HDAC7: variants seen among roughly 807,000 people sequenced by gnomAD.
The protein encoded by HDAC7 is histone deacetylase 7, also known as histone deacetylase 7A.
HDAC7 carries 26 observed loss-of-function variants against 115.5 expected under a neutral mutation model. That is an observed-to-expected ratio of 0.23 (90% CI 0.16 to 0.31). HDAC7 has a LOEUF of 0.31. Ranked by LOEUF, HDAC7 falls within the 10% of genes least tolerant of loss-of-function variation. The pLI, the probability that HDAC7 is intolerant of heterozygous loss-of-function variation, is 1.00. For missense variants in HDAC7, 1,068 were observed against 1,329.0 expected (o/e 0.80, Z 3.05); for synonymous variants, 564 against 550.9 (o/e 1.02, Z -0.33).
intron 1 of HDAC7, among the ~76,000 whole-genome samples, chr12:47,805,488 C>A (rs1035960420): frequency 2.6e-5 from 4 of 152,216 alleles, no homozygotes; most frequent in African/African-American, 9.7e-5. Flanking sequence ...TGACTCCCTT[C>A]ACACCCGAGG....
chr12:47,787,833 A>C (rs1419382361), intron 20 of HDAC7, 24 bp from the exon 21 acceptor site: 9 of 1,599,450 alleles, frequency 5.6e-6, no homozygotes, highest in Non-Finnish European at 7.7e-6. Context: ...GGCAAGAGAG[A>C]CATGAGGACA....
At chr12:47,815,161 GACACTCA>G (rs1049712189) in intron 1 of HDAC7, among the ~76,000 whole-genome samples, 2 of 152,198 alleles carry the variant, frequency 1.3e-5, no homozygotes, top group African/African-American at 4.8e-5. Flanking sequence ...CTTTAGGGAT[GACACTCA>G]ACAGTTCCAG....
At position 47,793,353 on chromosome 12, in the gene HDAC7, C is replaced by A; in HGVS notation, c.1678+16G>T. The A allele has an allele frequency of 6.7e-7, 1 of 1,485,724 alleles. No individual in the cohort carries two copies. Among genetic ancestry groups the A allele is most frequent in the Non-Finnish European group, 9.0e-7 (1 of 1,106,440 alleles). The allele number at this position is 1,485,724 out of a possible 1,614,324, so 92.0% of individuals were successfully genotyped here. ...CGAGCCCCTCCCTCCACCCGCCACC[C>A]TCCTCCCGGTCTCACCTGTGGTGAA... On this transcript the variant is annotated intron_variant, in intron 13 of 25. Transcript: ENST00000080059. This position sits in a 1 kb window ranked among gnomAD's most constrained non-coding sequence, Gnocchi z 4.5.
At chr12:47,790,047 C>A (rs1943396020) in intron 16 of HDAC7, 127 bp from the exon 17 acceptor site, 1 of 673,932 alleles carries the variant, frequency 1.5e-6, no homozygotes, top group East Asian at 2.7e-5. Flanking sequence ...GTGCTGCCTC[C>A]CCAGTGCCCC....
intron 16 of HDAC7, 182 bp downstream of exon 16, chr12:47,791,077 C>G (rs527649805): frequency 1.6e-6 from 1 of 642,338 alleles, no homozygotes; most frequent in East Asian, 2.7e-5. Context: ...ACTGTGGGTC[C>G]GAGACACGCC....
At chr12:47,786,553 C>T in intron 22 of HDAC7, 32 bp downstream of exon 22, 1 of 1,499,848 alleles carries the variant, frequency 6.7e-7, no homozygotes, top group South Asian at 1.1e-5. Flanking sequence ...GCTCTCTGTC[C>T]CTAACGTCCC....
intron 13 of HDAC7, chr12:47,792,505 C>T: frequency 2.6e-6 from 1 of 378,922 alleles, no homozygotes; most frequent in South Asian, 1.9e-5. Context: ...ATAGACAAAT[C>T]CAGCTTTGGA....
intron 15 of HDAC7, 123 bp from the exon 16 acceptor site, chr12:47,791,431 G>T: frequency 7.3e-7 from 1 of 1,366,308 alleles, no homozygotes; most frequent in Non-Finnish European, 1.0e-6. Flanking sequence ...GAAGGGAGAG[G>T]TGGAGGTGGG....
At chr12:47,810,897 C>T (rs1465849539) in intron 1 of HDAC7, among the ~76,000 whole-genome samples, 3 of 151,704 alleles carry the variant, frequency 2.0e-5, no homozygotes, top group East Asian at 1.9e-4. Flanking sequence ...CAGGTGGAAG[C>T]GCTGGAAGCA....
chr12:47,801,151 C>T (rs1382811774), intron 2 of HDAC7, among the ~76,000 whole-genome samples: 1 of 152,206 alleles, frequency 6.6e-6, no homozygotes, highest in Non-Finnish European at 1.5e-5. Flanking sequence ...CGCCTAGCAT[C>T]CCTCCCTCTT....
Position 47,793,609 on chromosome 12 carries a change from T to C in HDAC7, c.1459-21A>G. 1 of 1,512,010 alleles carries C rather than the reference T, an allele frequency of 6.6e-7. No individual in the cohort carries two copies. The highest frequency in any genetic ancestry group is 2.5e-5 in the East Asian group (1 of 40,336). 93.7% of individuals were successfully genotyped at this position (1,512,010 alleles called of 1,614,324 possible). On this transcript the variant is annotated intron_variant, in intron 12 of 25. Coordinates refer to ENST00000080059, the MANE Select transcript of HDAC7 (RefSeq NM_015401.5). The surrounding 1 kb of genome is among the most constrained non-coding windows in gnomAD (Gnocchi z 4.5). ...AACACCTAGGGGAAAGATGGGGCCT[T>C]GGTCTCCAGTGTTTCAGGGTCCTGC... is the stretch of plus-strand genomic sequence containing the variant.
chr12:47,790,039 G>C, intron 16 of HDAC7, 119 bp from the exon 17 acceptor site: 1 of 717,482 alleles, frequency 1.4e-6, no homozygotes, highest in Non-Finnish European at 2.5e-6. Flanking sequence ...GGCAGACAGT[G>C]CTGCCTCCCC....
At chr12:47,796,392 C>A in intron 7 of HDAC7, 94 bp from the exon 8 acceptor site, 1 of 774,472 alleles carries the variant, frequency 1.3e-6, no homozygotes, top group South Asian at 1.8e-5. Flanking sequence ...CGGGAGCACC[C>A]CCTTCCTTAA....
chr12:47,788,121 T>A lies in HDAC7; in HGVS notation c.2279A>T (p.Asp760Val). ...CAGGGAGATGTAGAGCACACTGGGG[T>A]CTTGGTAGAAGGTTTGCTGGGTGCC... ...GNGTQQTFYQ[D>V]PSVLYISLHR... The change falls in exon 20 of 26, where the codon GAC (aspartate) becomes GTC (valine). Residue 760 changes from aspartate (D) to valine (V), a missense_variant. Transcript: ENST00000080059. 6.2e-7 allele frequency: 1 copy of A among 1,613,112 alleles called. No individual in the cohort carries two copies. The highest frequency in any genetic ancestry group is 8.5e-7 in the Non-Finnish European group (1 of 1,179,556).
In HDAC7 at chr12:47,812,549, T is replaced by C. The variant is rs553121242; in HGVS notation, c.19+7218A>G. 8.1e-4 allele frequency among the ~76,000 whole-genome samples: 123 copies of C among 152,274 alleles called. 1 individual carries two copies. Among genetic ancestry groups the C allele is most frequent in the African/African-American group, 3.0e-3 (123 of 41,554 alleles). ...TATTTTCACATTACAGATGAAGAAG[T>C]GGAGGCACAGAGCAAAATGTGCCCA... On this transcript the variant is annotated intron_variant, in intron 1 of 25. Transcript: ENST00000080059.
At chr12:47,820,484 T>G (rs961700646), upstream of HDAC7, 7 of 152,068 alleles carry the variant, frequency 4.6e-5, no homozygotes, top group Admixed American at 3.3e-4. The surrounding 1 kb of genome is among the most constrained non-coding windows in gnomAD (Gnocchi z 4.3). Flanking sequence ...ACGACTTGCC[T>G]CAGGAAAGTT....
chr12:47,798,071 C>CA lies in HDAC7; in HGVS notation c.461+36dup. 7.0e-7 allele frequency: 1 copy of CA among 1,429,238 alleles called. No individual in the cohort carries two copies. The highest frequency in any genetic ancestry group is 9.9e-7 in the Non-Finnish European group (1 of 1,012,602). 88.5% of individuals were successfully genotyped at this position (1,429,238 alleles called of 1,614,324 possible). On this transcript the variant is annotated intron_variant, in intron 5 of 25. Coordinates refer to ENST00000080059, the MANE Select transcript of HDAC7 (RefSeq NM_015401.5). This position sits in a 1 kb window ranked among gnomAD's most constrained non-coding sequence, Gnocchi z 4.3. ...AACACGGGGGCGGGGGTGGAGGGTG[C>CA]ATGTGGGGACAGGAGGGCAGGTGAG... is the stretch of plus-strand genomic sequence containing the variant.
chr12:47,815,456 G>C (rs1944823988), intron 1 of HDAC7, among the ~76,000 whole-genome samples: 1 of 152,116 alleles, frequency 6.6e-6, no homozygotes. Flanking sequence ...CCTTCTGTGG[G>C]TCTATTTCCT....
chr12:47,792,218 T>C, intron 13 of HDAC7: 2 of 577,490 alleles, frequency 3.5e-6, no homozygotes, highest in Non-Finnish European at 6.0e-6. Flanking sequence ...CTTCCCCAGG[T>C]GGCAGCAGCC....
Sources: gnomAD v4.1 joint callset for allele counts (sites outside exome capture counted in the v4.1 genomes callset) on GRCh38, gnomAD v4.1.1 for gene constraint, Gnocchi (gnomAD v3.1) non-coding constraint, MANE v1.5 for transcripts, NCBI Gene and HGNC (gene_info 2026-07-23, HGNC 2026-07-21) for gene names.